PDIA6: variants seen among roughly 807,000 people sequenced by gnomAD.
PDIA6 encodes the protein protein disulfide-isomerase A6.
PDIA6 carries 29 observed loss-of-function variants against 58.4 expected under a neutral mutation model. That is an observed-to-expected ratio of 0.50 (90% CI 0.37 to 0.68). The LOEUF is 0.68. Ranked by LOEUF, PDIA6 falls within the 30% of genes least tolerant of loss-of-function variation. The pLI, the probability that PDIA6 is intolerant of heterozygous loss-of-function variation, is 0.00. For missense variants in PDIA6, 480 were observed against 551.0 expected, an observed-to-expected ratio of 0.87 and a Z score of 1.29; for synonymous variants, 192 against 202.6, an observed-to-expected ratio of 0.95 and a Z score of 0.44.
At chr2:10,817,270 T>G (rs1667226052), upstream of PDIA6, among the ~76,000 whole-genome samples, 1 of 152,246 alleles carries the variant, frequency 6.6e-6, no homozygotes, top group South Asian at 2.1e-4. Context: ...AGCAAGTCAC[T>G]TGCCCTGCCT....
chr2:10,806,953 A>G (rs1666793630), intron 1 of PDIA6, among the ~76,000 whole-genome samples: 2 of 152,236 alleles, frequency 1.3e-5, no homozygotes, highest in Admixed American at 6.5e-5. Flanking sequence ...TATTAAGTAC[A>G]CACTGATGTT....
upstream of PDIA6, among the ~76,000 whole-genome samples, chr2:10,833,437 TG>T (rs921346458): frequency 6.6e-5 from 10 of 152,192 alleles, no homozygotes; most frequent in Admixed American, 6.5e-4. Flanking sequence ...CCACCCCCTC[TG>T]GGGGTTTTCA....
At chr2:10,835,780 G>A (rs971514347), upstream of PDIA6, among the ~76,000 whole-genome samples, 5 of 152,250 alleles carry the variant, frequency 3.3e-5, no homozygotes, top group South Asian at 1.0e-3. Context: ...GGCCGGGCGC[G>A]GTGGCTCACG....
intron 1 of PDIA6, chr2:10,810,512 G>A: frequency 1.7e-6 from 2 of 1,165,370 alleles, no homozygotes; most frequent in Non-Finnish European, 2.2e-6. Flanking sequence ...TATTAAGATA[G>A]ACTTGGGTTA....
intron 1 of PDIA6, among the ~76,000 whole-genome samples, chr2:10,809,455 T>C (rs1337032879): frequency 6.6e-6 from 1 of 151,946 alleles, no homozygotes; most frequent in Non-Finnish European, 1.5e-5. Context: ...GGCGGGTGGA[T>C]AACCTGAGCC....
chr2:10,803,191 CTT>C (rs1014722724), intron 1 of PDIA6, among the ~76,000 whole-genome samples: 1 of 152,178 alleles, frequency 6.6e-6, no homozygotes. Flanking sequence ...GAGTTTCGCT[CTT>C]GTTGCCCAGG....
intron 12 of PDIA6, 116 bp downstream of exon 12, chr2:10,784,818 G>A (rs376113360): frequency 1.7e-5 from 12 of 714,336 alleles, no homozygotes; most frequent in East Asian, 1.6e-4. Flanking sequence ...AAAGGCCCAC[G>A]GGTGCACCAG....
intron 1 of PDIA6, among the ~76,000 whole-genome samples, chr2:10,819,926 G>A (rs536281199): frequency 1.2e-4 from 19 of 152,300 alleles, no homozygotes; most frequent in African/African-American, 3.6e-4. Context: ...CTGCTGGTCT[G>A]CAGGTTTGTC....
At chr2:10,800,459 C>T (rs1666454746) in intron 2 of PDIA6, among the ~76,000 whole-genome samples, 1 of 152,136 alleles carries the variant, frequency 6.6e-6, no homozygotes, top group South Asian at 2.1e-4. Flanking sequence ...CCTGTACTTA[C>T]TGTTCTTGTA....
intron 5 of PDIA6, among the ~76,000 whole-genome samples, chr2:10,792,702 G>A (rs1666089285): frequency 6.6e-6 from 1 of 150,432 alleles, no homozygotes; most frequent in South Asian, 2.2e-4. Context: ...CCATGGATTT[G>A]GGGCTGACTG....
At chr2:10,785,623 G>A (rs1665689789) in intron 11 of PDIA6, among the ~76,000 whole-genome samples, 1 of 152,068 alleles carries the variant, frequency 6.6e-6, no homozygotes, top group Non-Finnish European at 1.5e-5. Flanking sequence ...GCTAGAATAA[G>A]CAAACCTATT....
chr2:10,797,691 G>C lies in PDIA6; in HGVS notation c.219+9C>G, dbSNP rs367761974. On this transcript the variant is annotated intron_variant, in intron 3 of 12. Coordinates refer to ENST00000272227, the MANE Select transcript of PDIA6 (RefSeq NM_005742.4). ...TTTTGTAAGCCTTTTGCATTCCTAA[G>C]AAACTTACTTTTAATGCAGTTGCTG... 1.9e-6 allele frequency: 3 copies of C among 1,609,124 alleles called. No individual in the cohort carries two copies. Among genetic ancestry groups the C allele is most frequent in the Admixed American group, 1.7e-5 (1 of 59,622 alleles).
upstream of PDIA6, among the ~76,000 whole-genome samples, chr2:10,815,027 A>G (rs1327552412): frequency 6.6e-6 from 1 of 152,196 alleles, no homozygotes; most frequent in Admixed American, 6.5e-5. Flanking sequence ...CGTGGGCTGA[A>G]TGCGCAGCTG....
At chr2:10,817,580 C>T (rs1667236272), upstream of PDIA6, among the ~76,000 whole-genome samples, 1 of 152,270 alleles carries the variant, frequency 6.6e-6, no homozygotes, top group African/African-American at 2.4e-5. Context: ...ACAGCTCCCC[C>T]GGTGGGCGCC....
intron 1 of PDIA6, among the ~76,000 whole-genome samples, chr2:10,806,202 TA>T (rs1382963460): frequency 6.6e-6 from 1 of 150,934 alleles, no homozygotes; most frequent in Non-Finnish European, 1.5e-5. Flanking sequence ...ACCCCCTCTC[TA>T]AAAAAAGTAC....
At chr2:10,811,293 G>A (rs1666988576) in intron 1 of PDIA6, among the ~76,000 whole-genome samples, 1 of 152,182 alleles carries the variant, frequency 6.6e-6, no homozygotes, top group African/African-American at 2.4e-5. Flanking sequence ...ATTTTGGGAG[G>A]TTGAGGAAGG....
upstream of PDIA6, among the ~76,000 whole-genome samples, chr2:10,834,720 TC>T (rs1230377284): frequency 1.7e-4 from 3 of 17,274 alleles, no homozygotes; most frequent in African/African-American, 6.4e-4. Flanking sequence ...CCTCCCTCCC[TC>T]CCTTCCTTCC....
intron 1 of PDIA6, chr2:10,810,436 C>T (rs926946711): frequency 7.1e-7 from 1 of 1,399,984 alleles, no homozygotes; most frequent in Admixed American, 3.0e-5. Context: ...GTCACCAGAA[C>T]AGACCAGGGT....
chr2:10,834,112 G>C (rs75366245), upstream of PDIA6, among the ~76,000 whole-genome samples: 11,117 of 152,342 alleles, frequency 0.073, 745 homozygotes, highest in African/African-American at 0.17. Flanking sequence ...TCTACAGTGA[G>C]AGCAACGCAG....
Sources: gnomAD v4.1 joint callset for allele counts (sites outside exome capture counted in the v4.1 genomes callset) on GRCh38, gnomAD v4.1.1 for gene constraint, MANE v1.5 for transcripts, NCBI Gene and HGNC (gene_info 2026-07-23, HGNC 2026-07-21) for gene names.